Variants in ZNF808 observed in about 807,000 individuals in gnomAD.
The protein encoded by ZNF808 is zinc finger protein 808.
In ZNF808, 5 loss-of-function variants were observed where a neutral mutation model predicts 8.7. That is an observed-to-expected ratio of 0.58 (90% CI 0.30 to 1.21). ZNF808 has a LOEUF of 1.21. Among genes scored for constraint, ZNF808 ranks in the 50% most tolerant of loss-of-function variants. The pLI is 0.07. For synonymous variants in ZNF808, 380 were observed against 366.0 expected, an observed-to-expected ratio of 1.04 and a Z score of -0.44; for missense variants, 1,103 against 1,098.4, an observed-to-expected ratio of 1.00 and a Z score of -0.06.
rs750854105 is a variant in ZNF808 at position 52,555,088 on chromosome 19, C to T, written c.2172C>T (p.Cys724=). The change falls in exon 5 of 5, where the codon TGC becomes TGT. Residue 724 remains cysteine (C), a synonymous_variant. Coordinates refer to ENST00000359798, the MANE Select transcript of ZNF808 (RefSeq NM_001039886.4). ...TCAGTAACAGGTCATCCCTTGTATG[C>T]CATCGTAGAATTCATAGTGGTGAGA... ...KTFSNRSSLV[C]HRRIHSGEKP... 1.2e-6 allele frequency: 2 copies of T among 1,613,692 alleles called. No individual in the cohort carries two copies. The highest frequency in any genetic ancestry group is 2.2e-5 in the South Asian group (2 of 91,070).
intron 1 of ZNF808, among the ~76,000 whole-genome samples, chr19:52,531,086 C>T (rs1471453983): frequency 6.6e-6 from 1 of 152,098 alleles, no homozygotes; most frequent in Non-Finnish European, 1.5e-5. Context: ...AGAATCATGC[C>T]ACTACACTGC....
chr19:52,567,761 G>T (rs2059876455), downstream of ZNF808, among the ~76,000 whole-genome samples: 2 of 151,894 alleles, frequency 1.3e-5, no homozygotes, highest in Non-Finnish European at 2.9e-5. Flanking sequence ...CCGACCTCAG[G>T]CCATCCGCCG....
At chr19:52,558,241 G>A (rs1009064545), downstream of ZNF808, among the ~76,000 whole-genome samples, 7 of 148,848 alleles carry the variant, frequency 4.7e-5, no homozygotes, top group Non-Finnish European at 8.9e-5. Context: ...GCCCGCCACC[G>A]CGCCTTGTAT....
At chr19:52,539,024 C>T (rs916636286) in intron 2 of ZNF808, among the ~76,000 whole-genome samples, 6 of 152,044 alleles carry the variant, frequency 3.9e-5, no homozygotes, top group African/African-American at 1.5e-4. Context: ...TTGTGGATCA[C>T]CCTCTTCCCT....
At chr19:52,538,331 ATTAT>A in intron 2 of ZNF808, among the ~76,000 whole-genome samples, 1 of 146,024 alleles carries the variant, frequency 6.8e-6, no homozygotes, top group Non-Finnish European at 1.5e-5. Context: ...CTACATACTA[ATTAT>A]TATTATTATT....
Position 52,553,853 on chromosome 19 carries a change from A to T in ZNF808, c.937A>T (p.Lys313Ter). Residue 313 changes from lysine to a stop codon, truncating the protein, a stop_gained, in exon 5 of 5, where the codon AAA becomes TAA. Transcript: ENST00000359798. LOFTEE classifies it low-confidence loss of function (END_TRUNC). ...CCATCATAGACTTCATACTGGAGTA[A>T]AACCTTACAAGTGTAATGAGTGTGG... ...TCHHRLHTGV[K>*]PYKCNECGKV... The T allele has an allele frequency of 6.2e-7, 1 of 1,614,164 alleles. No individual in the cohort carries two copies. Among genetic ancestry groups the T allele is most frequent in the Non-Finnish European group, 8.5e-7 (1 of 1,180,028 alleles).
intron 1 of ZNF808, among the ~76,000 whole-genome samples, chr19:52,532,452 A>G (rs73934555): frequency 0.027 from 4,167 of 152,218 alleles, 198 homozygotes; most frequent in African/African-American, 0.094. Context: ...CAGAATTTCA[A>G]TTGATTTTGG....
At chr19:52,562,384 T>G (rs187603693) in intron 3 of ZNF808, among the ~76,000 whole-genome samples, 76 of 151,538 alleles carry the variant, frequency 5.0e-4, no homozygotes, top group Middle Eastern at 6.8e-3. Context: ...ATCTCAAAAA[T>G]AAAGAAAGAA....
At chr19:52,547,160 C>G (rs1393884369) in intron 3 of ZNF808, among the ~76,000 whole-genome samples, 1 of 151,948 alleles carries the variant, frequency 6.6e-6, no homozygotes, top group African/African-American at 2.4e-5. Context: ...GTTGACCAGG[C>G]TGGTCTCAAA....
chr19:52,568,444 G>A (rs1214654662), downstream of ZNF808, among the ~76,000 whole-genome samples: 1 of 152,150 alleles, frequency 6.6e-6, no homozygotes, highest in Non-Finnish European at 1.5e-5. Flanking sequence ...AAAAGTTTTC[G>A]TGTAAATAAT....
At chr19:52,529,879 C>A (rs577768487) in intron 1 of ZNF808, among the ~76,000 whole-genome samples, 1 of 147,616 alleles carries the variant, frequency 6.8e-6, no homozygotes, top group African/African-American at 2.5e-5. Context: ...AGCCACCAAG[C>A]CCAGCTAGTT....
exon 4 of ZNF808, chr19:52,563,618 A>G (rs1380573243): frequency 6.5e-6 from 1 of 153,352 alleles, no homozygotes; most frequent in Non-Finnish European, 1.5e-5. Context: ...TGATGCCCAA[A>G]AGAAATAAAC....
Position 52,553,146 on chromosome 19 carries a change from C to T in ZNF808, c.230C>T (p.Thr77Ile), listed in dbSNP as rs780231105. The T allele has an allele frequency of 1.3e-6, 2 of 1,577,662 alleles. No homozygotes were observed. Among genetic ancestry groups the T allele is most frequent in the African/African-American group, 1.4e-5 (1 of 72,938 alleles). The change falls in exon 5 of 5, where the codon ACA (threonine) becomes ATA (isoleucine). Residue 77 changes from threonine to isoleucine, a missense_variant. Coordinates refer to ENST00000359798, the MANE Select transcript of ZNF808 (RefSeq NM_001039886.4). ...SKHMMKEVLS[T>I]GQGNREVIHT... ...CACATGATGAAGGAGGTCTTGTCAA[C>T]AGGGCAAGGCAATAGAGAAGTGATC... is the stretch of plus-strand genomic sequence containing the variant.
At chr19:52,543,721 T>C (rs1391600171) in intron 3 of ZNF808, among the ~76,000 whole-genome samples, 1 of 152,158 alleles carries the variant, frequency 6.6e-6, no homozygotes, top group Admixed American at 6.6e-5. Context: ...GAAATACGTA[T>C]GTTAATGTGC....
intron 1 of ZNF808, among the ~76,000 whole-genome samples, chr19:52,529,237 C>T (rs1420690945): frequency 6.7e-6 from 1 of 149,518 alleles, no homozygotes; most frequent in Non-Finnish European, 1.5e-5. Context: ...AAGGAAATAA[C>T]GGGGCATAAT....
In ZNF808 at chr19:52,555,498, A is replaced by T; in HGVS notation, c.2582A>T (p.His861Leu). Residue 861 changes from histidine to leucine, a missense_variant, in exon 5 of 5, where the codon CAC (histidine) becomes CTC (leucine). His to Leu is a moderately conservative substitution (Grantham distance 99, BLOSUM62 -3). Transcript: ENST00000359798. ...GACAAAGTTTTCAGTCGCAAATCACACCTTAAAAGACATAGGATAATTCAT... is the reference window on the plus strand; with the variant it reads ...GACAAAGTTTTCAGTCGCAAATCACTCCTTAAAAGACATAGGATAATTCAT... Reference protein sequence around the residue: ...ACDKVFSRKSHLKRHRIIHTG... With the variant: ...ACDKVFSRKSLLKRHRIIHTG... The T allele has an allele frequency of 6.2e-7, 1 of 1,614,036 alleles. No individual in the cohort carries two copies. The highest frequency in any genetic ancestry group is 1.7e-5 in the Admixed American group (1 of 60,008).
intron 4 of ZNF808, 74 bp from the exon 5 acceptor site, chr19:52,553,033 G>T: frequency 7.0e-7 from 1 of 1,424,828 alleles, no homozygotes; most frequent in Non-Finnish European, 9.2e-7. Flanking sequence ...TGTTTTTTGT[G>T]TCATATTTAC....
chr19:52,552,411 C>CTT (rs777720809), intron 4 of ZNF808, among the ~76,000 whole-genome samples: 4 of 141,786 alleles, frequency 2.8e-5, no homozygotes, highest in African/African-American at 7.7e-5. Flanking sequence ...TAACTTTTTT[C>CTT]TTTTTTTTTT....
Position 52,553,813 on chromosome 19 carries a change from G to C in ZNF808, c.897G>C (p.Lys299Asn). The stretch of plus-strand genomic sequence containing the variant: ...AGTGTGGAAAGTCCTTCAGTTACAA[G>C]TCATCCCTTACATGCCATCATAGAC... Reference protein sequence around the residue: ...CKECGKSFSYKSSLTCHHRLH... With the variant: ...CKECGKSFSYNSSLTCHHRLH... The change falls in exon 5 of 5, where the codon AAG becomes AAC. Residue 299 changes from lysine to asparagine, a missense_variant. Lys to Asn is a moderately conservative substitution (Grantham distance 94, BLOSUM62 0). Coordinates refer to ENST00000359798, the MANE Select transcript of ZNF808 (RefSeq NM_001039886.4). The C allele has an allele frequency of 6.2e-7, 1 of 1,614,046 alleles. No individual in the cohort carries two copies. Among genetic ancestry groups the C allele is most frequent in the Non-Finnish European group, 8.5e-7 (1 of 1,180,000 alleles).
Sources: allele counts gnomAD v4.1 joint callset (sites outside exome capture counted in the v4.1 genomes callset), GRCh38; gene constraint gnomAD v4.1.1; transcripts MANE v1.5; gene names NCBI Gene and HGNC (gene_info 2026-07-23, HGNC 2026-07-21).